NOVA1: variants seen among roughly 807,000 people sequenced by gnomAD.
NOVA1 encodes the protein NOVA alternative splicing regulator 1, also known as RNA-binding protein Nova-1.
A neutral mutation model predicts 38.0 loss-of-function variants in NOVA1; 7 were observed. That is an observed-to-expected ratio of 0.18 (90% CI 0.10 to 0.35). The LOEUF (loss-of-function observed/expected upper bound fraction) is 0.35, where lower values mean the gene tolerates loss of function less well. NOVA1 is among the 10% of genes least tolerant of loss of function. The probability of loss-of-function intolerance (pLI) is 1.00; values close to 1 mark genes in which losing one functional copy is unlikely to be tolerated. For synonymous variants in NOVA1, 270 were observed against 232.5 expected (o/e 1.16, Z -1.47); for missense variants, 460 against 616.0 (o/e 0.75, Z 2.68).
intron 2 of NOVA1, among the ~76,000 whole-genome samples, chr14:26,579,950 G>A (rs1594574185): frequency 6.6e-6 from 1 of 151,128 alleles, no homozygotes; most frequent in African/African-American, 2.4e-5. Flanking sequence ...TTTAGAGATG[G>A]GGTCTCACTA....
At chr14:26,566,983 T>C (rs1892172948) in intron 2 of NOVA1, among the ~76,000 whole-genome samples, 1 of 152,108 alleles carries the variant, frequency 6.6e-6, no homozygotes, top group Admixed American at 6.6e-5. Context: ...TCAAAACTAC[T>C]TGGAAATACC....
intron 4 of NOVA1, among the ~76,000 whole-genome samples, chr14:26,453,886 C>T (rs1882935970): frequency 6.6e-6 from 1 of 152,300 alleles, no homozygotes; most frequent in Middle Eastern, 3.4e-3. Flanking sequence ...TGACATTACA[C>T]TTACAAAGCA....
At chr14:26,568,771 G>T (rs1892290839) in intron 2 of NOVA1, among the ~76,000 whole-genome samples, 1 of 152,168 alleles carries the variant, frequency 6.6e-6, no homozygotes, top group South Asian at 2.1e-4. Context: ...TGGGCAGCCT[G>T]ATGAGAATCC....
intron 4 of NOVA1, among the ~76,000 whole-genome samples, chr14:26,451,575 GTT>G (rs1882684964): frequency 6.6e-6 from 1 of 152,048 alleles, no homozygotes; most frequent in Non-Finnish European, 1.5e-5. Context: ...TTCACCATAT[GTT>G]GTCCAGGCTG....
In NOVA1 at chr14:26,488,574, C is replaced by T. The variant is rs182249827; in HGVS notation, c.281-8431G>A. On this transcript the variant is annotated intron_variant, in intron 2 of 4. Coordinates refer to ENST00000539517, the MANE Select transcript of NOVA1 (RefSeq NM_002515.3). The stretch of plus-strand genomic sequence containing the variant: ...CTAGTTTTTAAATTTTGAGGCCATG[C>T]AAAAAACAGTTAAGATGATGACGAT... Among the ~76,000 whole-genome samples, 100 of 152,012 alleles carry T rather than the reference C, an allele frequency of 6.6e-4. 2 individuals are homozygous for T. Among genetic ancestry groups the T allele is most frequent in the Non-Finnish European group, 1.5e-5 (1 of 67,970 alleles).
rs1037115179 is a variant in NOVA1 at position 26,484,450 on chromosome 14, A to C, written c.281-4307T>G. On this transcript the variant is annotated intron_variant, in intron 2 of 4. Transcript: ENST00000539517. ...CTCGAAAAAAAAAAAAAAAAAAAAA[A>C]AAAAAAAAAAAAGAAATTAATTGTT... Among the ~76,000 whole-genome samples, 17 of 151,190 alleles carry C rather than the reference A, an allele frequency of 1.1e-4. No homozygotes were observed. The South Asian group carries it at 1.5e-3, about 13-fold the overall frequency.
intron 4 of NOVA1, among the ~76,000 whole-genome samples, chr14:26,464,461 A>C (rs1221171522): frequency 1.3e-5 from 2 of 152,220 alleles, no homozygotes; most frequent in African/African-American, 4.8e-5. Context: ...TCACACAACA[A>C]TATCGTTTAG....
At chr14:26,502,251 A>G (rs962492985) in intron 2 of NOVA1, among the ~76,000 whole-genome samples, 13 of 151,842 alleles carry the variant, frequency 8.6e-5, no homozygotes, top group Non-Finnish European at 1.8e-4. Context: ...GTTCTGTCTT[A>G]GAACATGAGC....
chr14:26,496,809 T>C (rs1227527988), intron 2 of NOVA1, among the ~76,000 whole-genome samples: 2 of 152,162 alleles, frequency 1.3e-5, no homozygotes, highest in South Asian at 2.1e-4. Context: ...GTTGTAGATA[T>C]GCGGCGTTAT....
At chr14:26,540,460 C>T (rs371637297) in intron 2 of NOVA1, among the ~76,000 whole-genome samples, 2 of 152,284 alleles carry the variant, frequency 1.3e-5, no homozygotes, top group Middle Eastern at 3.4e-3. Context: ...AATTAGATGA[C>T]TTTTGCCACA....
intron 2 of NOVA1, among the ~76,000 whole-genome samples, chr14:26,514,771 G>T (rs1346231761): frequency 6.6e-6 from 1 of 151,598 alleles, no homozygotes; most frequent in Admixed American, 6.6e-5. Flanking sequence ...AGCTTTTACT[G>T]ATGAAAATGT....
At chr14:26,584,334 A>T (rs1238952825) in intron 2 of NOVA1, among the ~76,000 whole-genome samples, 1 of 151,446 alleles carries the variant, frequency 6.6e-6, no homozygotes. Context: ...CGTATACTCA[A>T]TTATACTTTT....
At chr14:26,466,139 G>T (rs957267356) in intron 4 of NOVA1, among the ~76,000 whole-genome samples, 1 of 152,144 alleles carries the variant, frequency 6.6e-6, no homozygotes, top group Non-Finnish European at 1.5e-5. Flanking sequence ...AAATACTGAG[G>T]TGAGGGTATG....
chr14:26,591,696 T>C (rs1340393397), intron 2 of NOVA1, among the ~76,000 whole-genome samples: 2 of 151,622 alleles, frequency 1.3e-5, no homozygotes, highest in African/African-American at 4.8e-5. Flanking sequence ...AAGTTTAATT[T>C]GGCCACTATA....
chr14:26,578,534 T>TA (rs750004924), intron 2 of NOVA1, among the ~76,000 whole-genome samples: 1 of 152,104 alleles, frequency 6.6e-6, no homozygotes, highest in African/African-American at 2.4e-5. Context: ...GCTAGGCACA[T>TA]AGTTTAACAA....
At chr14:26,525,473 C>A (rs945067717) in intron 2 of NOVA1, among the ~76,000 whole-genome samples, 3 of 152,012 alleles carry the variant, frequency 2.0e-5, no homozygotes, top group African/African-American at 7.2e-5. Flanking sequence ...TTAGTAAAAA[C>A]ACTTTTGTGT....
In NOVA1 at chr14:26,448,536, G is replaced by A; in HGVS notation, c.947C>T (p.Thr316Ile). ...GCTGGCTAATGTATTAAGTGCAGAGGTGATGGCCACCAGGTCATTGCCTGT... is the reference window on the plus strand; with the variant it reads ...GCTGGCTAATGTATTAAGTGCAGAGATGATGGCCACCAGGTCATTGCCTGT... ...GFTGNDLVAI[T>I]SALNTLASYG... Residue 316 changes from threonine to isoleucine, a missense_variant, in exon 5 of 5, where the codon ACC becomes ATC. Coordinates refer to ENST00000539517, the MANE Select transcript of NOVA1 (RefSeq NM_002515.3). This position sits in a 1 kb window ranked among gnomAD's most constrained non-coding sequence, Gnocchi z 5.3. 5 of 1,614,192 alleles carry A rather than the reference G, an allele frequency of 3.1e-6. No individual in the cohort carries two copies. Among genetic ancestry groups the A allele is most frequent in the Non-Finnish European group, 4.2e-6 (5 of 1,180,034 alleles).
At chr14:26,585,513 C>G (rs977955019) in intron 2 of NOVA1, among the ~76,000 whole-genome samples, 7 of 151,210 alleles carry the variant, frequency 4.6e-5, no homozygotes, top group Admixed American at 2.6e-4. Flanking sequence ...AAGCATACTT[C>G]TAATATATCA....
At chr14:26,538,441 T>G (rs1890252548) in intron 2 of NOVA1, among the ~76,000 whole-genome samples, 1 of 152,120 alleles carries the variant, frequency 6.6e-6, no homozygotes, top group South Asian at 2.1e-4. Flanking sequence ...ATTTAAAAAA[T>G]TATACTACAT....
Sources: allele counts gnomAD v4.1 joint callset (sites outside exome capture counted in the v4.1 genomes callset), GRCh38; gene constraint gnomAD v4.1.1; non-coding constraint Gnocchi (gnomAD v3.1); transcripts MANE v1.5; gene names NCBI Gene and HGNC (gene_info 2026-07-23, HGNC 2026-07-21).